The following C2orf69 variants were observed in gnomAD, a reference collection of about 807,000 sequenced individuals.
C2orf69 encodes the protein mitochondrial protein C2orf69.
C2orf69 carries 19 observed loss-of-function variants against 29.5 expected under a neutral mutation model. That is an observed-to-expected ratio of 0.65 (90% confidence interval 0.45 to 0.95). C2orf69 has a LOEUF of 0.95. Among genes scored for constraint, C2orf69 ranks in the 40% least tolerant of loss-of-function variants. The probability of loss-of-function intolerance (pLI) is 0.00; values close to 1 mark genes in which losing one functional copy is unlikely to be tolerated. For synonymous variants in C2orf69, 194 were observed against 180.0 expected, an observed-to-expected ratio of 1.08 and a Z score of -0.62; for missense variants, 416 against 482.1, an observed-to-expected ratio of 0.86 and a Z score of 1.28.
Position 199,911,481 on chromosome 2 carries a change from C to T in C2orf69, c.43C>T (p.Leu15=). 1.9e-6 allele frequency: 3 copies of T among 1,546,834 alleles called. No individual in the cohort carries two copies. Among genetic ancestry groups the T allele is most frequent in the South Asian group, 1.2e-5 (1 of 83,898 alleles). Residue 15 remains leucine, a synonymous_variant, in exon 1 of 2, where the codon CTG becomes TTG. Coordinates refer to ENST00000319974, the MANE Select transcript of C2orf69 (RefSeq NM_153689.6). The stretch of plus-strand genomic sequence containing the variant: ...CCTGCGGTCGCCGCCGTTGCTGCTC[C>T]TGCTGCCGCAGCTCGGAATCGGAAA... The part of the protein sequence containing the change: ...RLLRSPPLLL[L]LPQLGIGNAS...
chr2:199,923,887 G>A (rs1178122389), intron 1 of C2orf69, among the ~76,000 whole-genome samples: 1 of 152,122 alleles, frequency 6.6e-6, no homozygotes, highest in Non-Finnish European at 1.5e-5. Context: ...TAGAATGTGA[G>A]CTCCATGTGA....
At chr2:199,922,517 A>G (rs1176870834) in intron 1 of C2orf69, among the ~76,000 whole-genome samples, 1 of 152,152 alleles carries the variant, frequency 6.6e-6, no homozygotes, top group Non-Finnish European at 1.5e-5. Context: ...AAATATCCTT[A>G]TACATATTTA....
Position 199,915,405 on chromosome 2 carries a change from C to T in C2orf69, c.333+3634C>T, listed in dbSNP as rs193163755. Among the ~76,000 whole-genome samples the T allele has an allele frequency of 6.4e-3, 980 of 151,966 alleles. 3 individuals carry two copies. The highest frequency in any genetic ancestry group is 0.02 in the Middle Eastern group (6 of 294). The stretch of plus-strand genomic sequence containing the variant: ...ATTACAAGCATGAGCCACCACACCT[C>T]GCTGAGCATTCTTGTTATAGCTTTA... On this transcript the variant is annotated intron_variant, in intron 1 of 1. Transcript: ENST00000319974.
chr2:199,921,928 G>T (rs1392499068), intron 1 of C2orf69, among the ~76,000 whole-genome samples: 1 of 150,070 alleles, frequency 6.7e-6, no homozygotes, highest in African/African-American at 2.5e-5. Flanking sequence ...TGTGCATGTT[G>T]CTAAAAGTTC....
intron 1 of C2orf69, among the ~76,000 whole-genome samples, chr2:199,913,152 A>G (rs1230868239): frequency 8.3e-6 from 1 of 121,204 alleles, no homozygotes; most frequent in Non-Finnish European, 1.6e-5. Context: ...AAAATAATAT[A>G]TATTATTTTA....
chr2:199,916,794 C>T (rs1208799907), intron 1 of C2orf69, among the ~76,000 whole-genome samples: 1 of 152,222 alleles, frequency 6.6e-6, no homozygotes, highest in Non-Finnish European at 1.5e-5. Context: ...CAGCCCCCCT[C>T]CAGGCTGCCT....
At chr2:199,922,581 A>G (rs905535952) in intron 1 of C2orf69, among the ~76,000 whole-genome samples, 1 of 152,214 alleles carries the variant, frequency 6.6e-6, no homozygotes, top group Non-Finnish European at 1.5e-5. Flanking sequence ...AGAATTACTA[A>G]GTCAAAAGGA....
intron 1 of C2orf69, among the ~76,000 whole-genome samples, chr2:199,919,922 A>C (rs78210747): frequency 6.6e-6 from 1 of 152,230 alleles, no homozygotes. Flanking sequence ...TTTCCTAAAA[A>C]TCCATTGTTC....
chr2:199,920,327 A>G (rs2077310919), intron 1 of C2orf69, among the ~76,000 whole-genome samples: 1 of 152,100 alleles, frequency 6.6e-6, no homozygotes, highest in Non-Finnish European at 1.5e-5. Flanking sequence ...TAATGATTCC[A>G]TCTTTACATT....
chr2:199,922,120 A>G (rs1215769327), intron 1 of C2orf69, among the ~76,000 whole-genome samples: 2 of 137,758 alleles, frequency 1.5e-5, no homozygotes, highest in East Asian at 4.3e-4. Context: ...TTTTGAGGCA[A>G]GGTCTAACTC....
rs1167487895 is a variant in C2orf69, at chr2:199,911,466, C to G, written c.28C>G (p.Pro10Ala). 1.3e-6 allele frequency: 2 copies of G among 1,544,836 alleles called. No homozygotes were observed. The highest frequency in any genetic ancestry group is 2.8e-5 in the African/African-American group (2 of 72,550). MWGFRLLRS[P>A]PLLLLLPQLG... The stretch of plus-strand genomic sequence containing the variant: ...GTGGGGGTTCAGGCTCCTGCGGTCG[C>G]CGCCGTTGCTGCTCCTGCTGCCGCA... The change falls in exon 1 of 2, where the codon CCG (proline) becomes GCG (alanine). Residue 10 changes from proline (P) to alanine (A), a missense_variant. This residue lies in a region of C2orf69 where 175 missense variants were observed against 139.9 expected (regional missense o/e 1.25). Transcript: ENST00000319974.
intron 1 of C2orf69, among the ~76,000 whole-genome samples, chr2:199,912,236 T>TA (rs78297316): frequency 0.042 from 6,402 of 152,244 alleles, 220 homozygotes; most frequent in East Asian, 0.17. Context: ...CCAGTAACCC[T>TA]AAAAAAGAGT....
Position 199,911,781 on chromosome 2 carries a change from G to A in C2orf69, c.333+10G>A, listed in dbSNP as rs780363295. On this transcript the variant is annotated intron_variant, in intron 1 of 1. Coordinates refer to ENST00000319974, the MANE Select transcript of C2orf69 (RefSeq NM_153689.6). Reference sequence around the variant, plus strand: ...CCCTGGGGATGTGCAGGTAACTCGGGGCCTGCCTGGGTATCTGTTCCTTCC... The same window carrying A: ...CCCTGGGGATGTGCAGGTAACTCGGAGCCTGCCTGGGTATCTGTTCCTTCC... 17 of 1,537,542 alleles carry A rather than the reference G, an allele frequency of 1.1e-5. No homozygotes were observed. Among genetic ancestry groups the A allele is most frequent in the East Asian group, 2.4e-5 (1 of 40,906 alleles).
At chr2:199,919,059 C>T (rs71424243) in intron 1 of C2orf69, among the ~76,000 whole-genome samples, 1 of 152,160 alleles carries the variant, frequency 6.6e-6, no homozygotes, top group Non-Finnish European at 1.5e-5. Context: ...TCAAGCGATC[C>T]TCCTACCTTA....
rs1254705650 is a variant in C2orf69, at chr2:199,911,555, C to T, written c.117C>T (p.Gly39=). ...QARTMNPGGS[G]GARCSLSAEV... ...GAACCATGAACCCGGGCGGCAGCGG[C>T]GGCGCGCGATGCTCCCTCTCGGCCG... Residue 39 remains glycine (G), a synonymous_variant, in exon 1 of 2, where the codon GGC becomes GGT. Transcript: ENST00000319974. 8 of 1,549,726 alleles carry T rather than the reference C, an allele frequency of 5.2e-6. No individual in the cohort carries two copies. The highest frequency in any genetic ancestry group is 7.0e-6 in the Non-Finnish European group (8 of 1,146,706).
intron 1 of C2orf69, among the ~76,000 whole-genome samples, chr2:199,913,427 A>ATATATAATAACATATATTATATAT (rs2077280981): frequency 8.9e-5 from 3 of 33,604 alleles, no homozygotes; most frequent in South Asian, 1.1e-3. Context: ...CTATTATATA[A>ATATATAATAACATATATTATATAT]AATATATATT....
In C2orf69 at chr2:199,911,418, C is replaced by T. The variant is rs1476655012; in HGVS notation, c.-21C>T. 1.3e-6 allele frequency: 2 copies of T among 1,499,858 alleles called. No individual in the cohort carries two copies. Among genetic ancestry groups the T allele is most frequent in the South Asian group, 2.6e-5 (2 of 77,150 alleles). The allele number at this position is 1,499,858 out of a possible 1,614,324, so 92.9% of individuals were successfully genotyped here. On this transcript the variant is annotated 5_prime_UTR_variant, in exon 1 of 2. Transcript: ENST00000319974. ...CCCTCCGCCACCCTCCACCTCCGAA[C>T]CGCTCTCGCGGCGGCGACCCATGTG...
chr2:199,913,863 T>G (rs1331456139), intron 1 of C2orf69, among the ~76,000 whole-genome samples: 1 of 152,082 alleles, frequency 6.6e-6, no homozygotes, highest in African/African-American at 2.4e-5. Flanking sequence ...TTTTAAAGTG[T>G]GCCAGCCAGG....
At position 199,922,031 on chromosome 2, in the gene C2orf69, TTA is replaced by T. The variant is rs370430093; in HGVS notation, c.334-3009_334-3008del. 8.9e-4 allele frequency among the ~76,000 whole-genome samples: 70 copies of T among 78,914 alleles called. 1 individual carries two copies. The highest frequency in any genetic ancestry group is 1.4e-3 in the East Asian group (3 of 2,092). The allele number at this position is 78,914 out of a possible 152,430, so 51.8% of individuals were successfully genotyped here. A position where few individuals can be genotyped will look rare whatever the true frequency, so the allele number is the denominator to read the frequency against. On this transcript the variant is annotated intron_variant, in intron 1 of 1. Transcript: ENST00000319974. ...TTCCCCAAGGCTGCCACTGTTATTT[TTA>T]TATATATATATATATATATATGCTT... is the stretch of plus-strand genomic sequence containing the variant.
Sources: gnomAD v4.1 joint callset for allele counts (sites outside exome capture counted in the v4.1 genomes callset) on GRCh38, gnomAD v4.1.1 for gene constraint, gnomAD v4.1.1 regional missense constraint, MANE v1.5 for transcripts, NCBI Gene and HGNC (gene_info 2026-07-23, HGNC 2026-07-21) for gene names.